The following MTSS1 variants were observed in gnomAD, a reference collection of about 807,000 sequenced individuals.
MTSS1 encodes the protein protein MTSS 1.
Under a neutral mutation model 79.0 loss-of-function variants are expected in MTSS1, and 18 were observed. That is an observed-to-expected ratio of 0.23 (90% CI 0.16 to 0.34). MTSS1 has a LOEUF of 0.34. Ranked by LOEUF, MTSS1 falls within the 10% of genes least tolerant of loss-of-function variation. The pLI is 1.00. For missense variants in MTSS1, 815 were observed against 986.2 expected (o/e 0.83, Z 2.33); for synonymous variants, 341 against 368.6 (o/e 0.93, Z 0.86).
intron 3 of MTSS1, among the ~76,000 whole-genome samples, chr8:124,636,158 C>T (rs1224942280): frequency 6.6e-6 from 1 of 152,186 alleles, no homozygotes; most frequent in Admixed American, 6.5e-5. Flanking sequence ...GAGATGGAGT[C>T]TCCCTCTGTC....
chr8:124,584,548 G>A (rs76133357), intron 6 of MTSS1, among the ~76,000 whole-genome samples: 1 of 152,148 alleles, frequency 6.6e-6, no homozygotes, highest in Admixed American at 6.5e-5. Flanking sequence ...CAAGGATGTG[G>A]GGGAAAGGCA....
intron 3 of MTSS1, among the ~76,000 whole-genome samples, chr8:124,686,256 G>A (rs1270001838): frequency 6.6e-6 from 1 of 152,172 alleles, no homozygotes; most frequent in Admixed American, 6.5e-5. Flanking sequence ...CCATCACGCA[G>A]GGAGCGCAAC....
intron 3 of MTSS1, among the ~76,000 whole-genome samples, chr8:124,659,403 G>A (rs1429996917): frequency 2.6e-5 from 4 of 152,092 alleles, no homozygotes; most frequent in Non-Finnish European, 5.9e-5. Context: ...TGTGTATATA[G>A]GGTATGCCTT....
At chr8:124,559,849 C>T (rs983481804) in intron 10 of MTSS1, among the ~76,000 whole-genome samples, 1 of 152,222 alleles carries the variant, frequency 6.6e-6, no homozygotes, top group Non-Finnish European at 1.5e-5. Flanking sequence ...TCTGGCTTAA[C>T]CTCAGTTTGT....
intron 10 of MTSS1, among the ~76,000 whole-genome samples, chr8:124,560,394 G>A (rs1825026424): frequency 6.6e-6 from 1 of 152,128 alleles, no homozygotes; most frequent in African/African-American, 2.4e-5. Context: ...AGGAGTGAGG[G>A]TTGAAAAATT....
chr8:124,669,734 G>A (rs1823768801), intron 3 of MTSS1, among the ~76,000 whole-genome samples: 1 of 152,102 alleles, frequency 6.6e-6, no homozygotes, highest in African/African-American at 2.4e-5. Flanking sequence ...AAAATCTGCT[G>A]GTTTCATTTG....
chr8:124,674,875 C>T, intron 3 of MTSS1, among the ~76,000 whole-genome samples: 1 of 152,146 alleles, frequency 6.6e-6, no homozygotes, highest in East Asian at 1.9e-4. Context: ...GCGCATGTCA[C>T]CATGCCTGGT....
rs1168055680 is a variant in MTSS1, at chr8:124,556,408, A to G, written c.1231-3T>C. The G allele has an allele frequency of 2.5e-6, 4 of 1,606,608 alleles. No homozygotes were observed. The highest frequency in any genetic ancestry group is 1.7e-6 in the Non-Finnish European group (2 of 1,175,692). ...TAGGGCCCAGGCTTAGCCCAGTCCT[A>G]TGCAAAACAAGTGCGGTCAGGAGCC... On this transcript the variant is annotated splice_region_variant and splice_polypyrimidine_tract_variant and intron_variant, in intron 11 of 13. Transcript: ENST00000518547.
In MTSS1 at chr8:124,552,576, A is replaced by G. The variant is rs985349050; in HGVS notation, c.*416T>C. 4 of 185,210 alleles carry G rather than the reference A, an allele frequency of 2.2e-5. No individual in the cohort carries two copies. The highest frequency in any genetic ancestry group is 2.7e-3 in the Middle Eastern group (1 of 366). The allele number at this position is 185,210 out of a possible 1,614,324, so 11.5% of individuals were successfully genotyped here. On this transcript the variant is annotated 3_prime_UTR_variant, in exon 14 of 14. Transcript: ENST00000518547. ...TTTGCTTCTAAGCTAGACTACTACA[A>G]TGCATCTACAAAAGCTTGTGGGGAA...
At chr8:124,558,110 T>C (rs1824414800) in intron 10 of MTSS1, 1 of 434,260 alleles carries the variant, frequency 2.3e-6, no homozygotes, top group Admixed American at 3.9e-5. Context: ...TTGACCTACG[T>C]TTTAGAAGTT....
At chr8:124,624,798 C>T (rs1048796766) in intron 3 of MTSS1, among the ~76,000 whole-genome samples, 4 of 152,138 alleles carry the variant, frequency 2.6e-5, no homozygotes, top group East Asian at 3.8e-4. Flanking sequence ...GGTGGATTTG[C>T]GCAGAGCGGG....
In MTSS1 at chr8:124,551,898, A is replaced by T. The variant is rs1822581953; in HGVS notation, c.*1094T>A. ...GAAAAACAAGCCCCCAGATTGGTAA[A>T]CACATTGGCAAGTTGCTAGACTCCA... On this transcript the variant is annotated 3_prime_UTR_variant, in exon 14 of 14. Coordinates refer to ENST00000518547, the MANE Select transcript of MTSS1 (RefSeq NM_014751.6). 3 of 152,674 alleles carry T rather than the reference A, an allele frequency of 2.0e-5. No homozygotes were observed. Among genetic ancestry groups the T allele is most frequent in the Admixed American group, 1.3e-4 (2 of 15,286 alleles). The allele number at this position is 152,674 out of a possible 1,614,324, so 9.5% of individuals were successfully genotyped here. A position where few individuals can be genotyped will look rare whatever the true frequency, so the allele number is the denominator to read the frequency against.
At chr8:124,663,385 G>A (rs1176138510) in intron 3 of MTSS1, among the ~76,000 whole-genome samples, 1 of 151,956 alleles carries the variant, frequency 6.6e-6, no homozygotes, top group Non-Finnish European at 1.5e-5. Flanking sequence ...TGAAGGGGAG[G>A]AAAACCACCA....
intron 3 of MTSS1, among the ~76,000 whole-genome samples, chr8:124,593,595 C>T (rs773302854): frequency 2.5e-4 from 38 of 152,182 alleles, no homozygotes; most frequent in Admixed American, 5.9e-4. Context: ...TGGAGAACAA[C>T]GTTTAAGGTT....
At chr8:124,568,910 A>G in intron 6 of MTSS1, 1 of 1,353,506 alleles carries the variant, frequency 7.4e-7, no homozygotes, top group Non-Finnish European at 9.5e-7. Flanking sequence ...AGATGTGGAA[A>G]CAAGGTAAGA....
chr8:124,723,713 G>C (rs1833279067), intron 1 of MTSS1, among the ~76,000 whole-genome samples: 1 of 152,162 alleles, frequency 6.6e-6, no homozygotes, highest in African/African-American at 2.4e-5. Context: ...CCAAAACGAG[G>C]AAGCTGTAAA....
chr8:124,623,199 C>T (rs947919935), intron 3 of MTSS1, among the ~76,000 whole-genome samples: 1 of 152,226 alleles, frequency 6.6e-6, no homozygotes, highest in African/African-American at 2.4e-5. Context: ...AACTTCAACC[C>T]TATTTCTTGT....
In MTSS1 at chr8:124,551,108, A is replaced by G. The variant is rs1822450399; in HGVS notation, c.*1884T>C. On this transcript the variant is annotated 3_prime_UTR_variant, in exon 14 of 14. Coordinates refer to ENST00000518547, the MANE Select transcript of MTSS1 (RefSeq NM_014751.6). ...TATACTAACGTTTAAAAACTAAACAAGTGAAAAGCTGTACCAAGGTACAGT... is the reference window on the plus strand; with the variant it reads ...TATACTAACGTTTAAAAACTAAACAGGTGAAAAGCTGTACCAAGGTACAGT... 1 of 152,632 alleles carries G rather than the reference A, an allele frequency of 6.6e-6. No homozygotes were observed. The highest frequency in any genetic ancestry group is 1.5e-5 in the Non-Finnish European group (1 of 68,054). 9.5% of individuals were successfully genotyped at this position (152,632 alleles called of 1,614,324 possible). A position where few individuals can be genotyped will look rare whatever the true frequency, so the allele number is the denominator to read the frequency against.
intron 3 of MTSS1, among the ~76,000 whole-genome samples, chr8:124,691,371 T>C (rs904451855): frequency 4.6e-5 from 7 of 152,228 alleles, no homozygotes; most frequent in Non-Finnish European, 1.0e-4. Flanking sequence ...TTATTATAAA[T>C]AGCAATCATT....
Sources: gnomAD v4.1 joint callset for allele counts (sites outside exome capture counted in the v4.1 genomes callset) on GRCh38, gnomAD v4.1.1 for gene constraint, MANE v1.5 for transcripts, NCBI Gene and HGNC (gene_info 2026-07-23, HGNC 2026-07-21) for gene names.